RBFOX1: variants seen among roughly 807,000 people sequenced by gnomAD.
RBFOX1 encodes the protein RNA binding fox-1 homolog 1.
RBFOX1 carries 8 observed loss-of-function variants against 57.7 expected under a neutral mutation model. That is an observed-to-expected ratio of 0.14 (90% CI 0.08 to 0.25). The LOEUF (loss-of-function observed/expected upper bound fraction) is 0.25, where lower values mean the gene tolerates loss of function less well. RBFOX1 is among the 10% of genes least tolerant of loss of function. The probability of loss-of-function intolerance (pLI) is 1.00; values close to 1 mark genes in which losing one functional copy is unlikely to be tolerated. For synonymous variants in RBFOX1, 326 were observed against 222.4 expected, an observed-to-expected ratio of 1.47 and a Z score of -4.15; for missense variants, 611 against 548.5, an observed-to-expected ratio of 1.11 and a Z score of -1.14.
At chr16:5,746,181 T>C (rs1240297871) in intron 3 of RBFOX1, among the ~76,000 whole-genome samples, 2 of 152,214 alleles carry the variant, frequency 1.3e-5, no homozygotes, top group Admixed American at 1.3e-4. Flanking sequence ...CCCAGCACCA[T>C]TTATTAAATA....
chr16:6,859,177 A>ACC (rs1480388183), intron 3 of RBFOX1, among the ~76,000 whole-genome samples: 1 of 82,012 alleles, frequency 1.2e-5, no homozygotes, highest in Non-Finnish European at 2.4e-5. Flanking sequence ...ATATATATGT[A>ACC]TATATATGTA....
chr16:7,437,253 C>CA (rs1265796257), intron 4 of RBFOX1, among the ~76,000 whole-genome samples: 2 of 130,268 alleles, frequency 1.5e-5, no homozygotes, highest in African/African-American at 5.2e-5. Flanking sequence ...TATCTTTGCC[C>CA]CCCCCCCCTT....
At chr16:6,266,831 C>A (rs1598984077) in intron 1 of RBFOX1, among the ~76,000 whole-genome samples, 1 of 152,152 alleles carries the variant, frequency 6.6e-6, no homozygotes, top group East Asian at 1.9e-4. Flanking sequence ...CCATGGCATT[C>A]CCTCATAATT....
intron 2 of RBFOX1, among the ~76,000 whole-genome samples, chr16:6,336,066 C>A (rs1323854860): frequency 1.4e-5 from 2 of 140,892 alleles, no homozygotes; most frequent in East Asian, 4.3e-4. Flanking sequence ...TTGGTTTCCT[C>A]TTTTGGTAAA....
chr16:5,299,699 A>G (rs902177865), intron 1 of RBFOX1, among the ~76,000 whole-genome samples: 3 of 152,148 alleles, frequency 2.0e-5, no homozygotes, highest in Admixed American at 6.5e-5. Flanking sequence ...TGTGGATTTC[A>G]TGGGGTTTTT....
At chr16:7,375,119 C>A (rs896952527) in intron 4 of RBFOX1, among the ~76,000 whole-genome samples, 1 of 152,186 alleles carries the variant, frequency 6.6e-6, no homozygotes, top group Non-Finnish European at 1.5e-5. Flanking sequence ...CTAGCCATTA[C>A]GCATTATCCT....
intron 1 of RBFOX1, among the ~76,000 whole-genome samples, chr16:6,228,383 C>T (rs145954708): frequency 3.3e-5 from 5 of 150,746 alleles, no homozygotes; most frequent in African/African-American, 1.2e-4. Flanking sequence ...ACCTAAGTGT[C>T]CCTGAACAGA....
At chr16:5,779,887 C>T (rs559835271) in intron 3 of RBFOX1, among the ~76,000 whole-genome samples, 2 of 152,216 alleles carry the variant, frequency 1.3e-5, no homozygotes, top group South Asian at 2.1e-4. Context: ...AGTTTTCTCA[C>T]TTGTAAAATA....
chr16:7,260,625 A>G (rs1056587141), intron 4 of RBFOX1, among the ~76,000 whole-genome samples: 1 of 152,210 alleles, frequency 6.6e-6, no homozygotes, highest in Non-Finnish European at 1.5e-5. Context: ...GAGTCTGGCT[A>G]AAGGGCACGT....
At chr16:5,897,969 G>A (rs2058208420) in intron 4 of RBFOX1, among the ~76,000 whole-genome samples, 1 of 151,352 alleles carries the variant, frequency 6.6e-6, no homozygotes, top group African/African-American at 2.4e-5. Flanking sequence ...GTATTGGTTT[G>A]CTCTCAGGCT....
intron 5 of RBFOX1, among the ~76,000 whole-genome samples, chr16:7,553,163 G>C (rs570529343): frequency 4.0e-5 from 6 of 151,294 alleles, no homozygotes; most frequent in Admixed American, 3.3e-4. Context: ...TCTCTTTTTA[G>C]AGACAGGGTC....
intron 2 of RBFOX1, among the ~76,000 whole-genome samples, chr16:6,565,299 C>G (rs2097247389): frequency 6.7e-6 from 1 of 149,692 alleles, no homozygotes; most frequent in African/African-American, 2.4e-5. Flanking sequence ...CTCTGTTGCC[C>G]AGGCTGGAGC....
chr16:6,269,643 C>G (rs1286676609), intron 1 of RBFOX1, among the ~76,000 whole-genome samples: 1 of 152,044 alleles, frequency 6.6e-6, no homozygotes, highest in Admixed American at 6.6e-5. Context: ...GTGAAAATCT[C>G]CTTCGGAGAT....
chr16:6,893,887 G>C (rs1305846799), intron 3 of RBFOX1, among the ~76,000 whole-genome samples: 2 of 152,132 alleles, frequency 1.3e-5, no homozygotes, highest in African/African-American at 2.4e-5. Context: ...TTGTCTGATA[G>C]GGTCAGCTGT....
intron 3 of RBFOX1, among the ~76,000 whole-genome samples, chr16:6,979,019 C>G (rs554669010): frequency 3.9e-5 from 6 of 152,240 alleles, no homozygotes; most frequent in Non-Finnish European, 7.4e-5. Context: ...GATACAACTT[C>G]TGAGGAGAGG....
intron 3 of RBFOX1, among the ~76,000 whole-genome samples, chr16:5,653,395 G>A (rs954637668): frequency 1.3e-5 from 2 of 151,286 alleles, no homozygotes; most frequent in African/African-American, 4.9e-5. Context: ...GGAAGGTGGG[G>A]TGCTGAGCCG....
chr16:5,705,795 C>G (rs191409268), intron 3 of RBFOX1, among the ~76,000 whole-genome samples: 22 of 152,292 alleles, frequency 1.4e-4, no homozygotes, highest in Admixed American at 1.4e-3. Context: ...CATCTGTGTG[C>G]GAGGCCTCTT....
intron 1 of RBFOX1, among the ~76,000 whole-genome samples, chr16:5,438,110 A>G (rs1191331582): frequency 6.6e-6 from 1 of 152,206 alleles, no homozygotes; most frequent in Non-Finnish European, 1.5e-5. Flanking sequence ...TGTAGTTTGA[A>G]CACAACATTG....
At chr16:6,783,322 T>C (rs1339170609) in intron 3 of RBFOX1, among the ~76,000 whole-genome samples, 1 of 151,690 alleles carries the variant, frequency 6.6e-6, no homozygotes, top group Non-Finnish European at 1.5e-5. Context: ...CTTCCTTTTT[T>C]TTTTTCTTCT....
Sources: gnomAD v4.1 joint callset for allele counts (sites outside exome capture counted in the v4.1 genomes callset) on GRCh38, gnomAD v4.1.1 for gene constraint, MANE v1.5 for transcripts, NCBI Gene and HGNC (gene_info 2026-07-23, HGNC 2026-07-21) for gene names.